SLC8A1: variants seen among roughly 807,000 people sequenced by gnomAD.
SLC8A1 encodes the protein sodium/calcium exchanger 1.
In SLC8A1, 18 loss-of-function variants were observed where a neutral mutation model predicts 68.3. That is an observed-to-expected ratio of 0.26 (90% CI 0.18 to 0.39). The LOEUF (loss-of-function observed/expected upper bound fraction) is 0.39, where lower values mean the gene tolerates loss of function less well. Among genes scored for constraint, SLC8A1 ranks in the 10% least tolerant of loss-of-function variants. The pLI is 1.00. For missense variants in SLC8A1, 985 were observed against 1,156.7 expected (o/e 0.85, Z 2.15); for synonymous variants, 475 against 415.5 (o/e 1.14, Z -1.74).
intron 2 of SLC8A1, among the ~76,000 whole-genome samples, chr2:40,335,214 C>G (rs1665570268): frequency 6.6e-6 from 1 of 152,118 alleles, no homozygotes. Flanking sequence ...GCTTTCTTTT[C>G]TATCATTTTA....
At chr2:40,258,716 C>T (rs2064279843) in intron 2 of SLC8A1, among the ~76,000 whole-genome samples, 1 of 151,996 alleles carries the variant, frequency 6.6e-6, no homozygotes. Flanking sequence ...GCGGCAGGCA[C>T]CTGTAACCCT....
chr2:40,357,220 G>C (rs1575658443), intron 2 of SLC8A1, among the ~76,000 whole-genome samples: 1 of 152,152 alleles, frequency 6.6e-6, no homozygotes, highest in Admixed American at 6.6e-5. Flanking sequence ...AAACAGGTCA[G>C]CTGGCTCGTA....
intron 2 of SLC8A1, among the ~76,000 whole-genome samples, chr2:40,214,151 C>T (rs1574152800): frequency 6.6e-6 from 1 of 152,172 alleles, no homozygotes; most frequent in Non-Finnish European, 1.5e-5. Flanking sequence ...TGAATATGCA[C>T]ACACATGCAC....
Position 40,398,804 on chromosome 2 carries a change from T to C in SLC8A1, c.1808+29669A>G, listed in dbSNP as rs181419744. Among the ~76,000 whole-genome samples, 15 of 152,310 alleles carry C rather than the reference T, an allele frequency of 9.8e-5. No homozygotes were observed. In the East Asian group the frequency reaches 2.7e-3, roughly 27 times the overall value. ...GTTATAAACTATGCTAGGATGACAG[T>C]TACAGCTCTTCTTCAACTGCTACTA... On this transcript the variant is annotated intron_variant, in intron 2 of 7. Transcript: ENST00000406785.
At chr2:40,141,788 A>G (rs2041614248) in intron 6 of SLC8A1, among the ~76,000 whole-genome samples, 1 of 152,196 alleles carries the variant, frequency 6.6e-6, no homozygotes, top group Admixed American at 6.5e-5. Flanking sequence ...GTGAAAACAG[A>G]GCCATTAGGG....
At chr2:40,246,062 C>T (rs918778187) in intron 2 of SLC8A1, among the ~76,000 whole-genome samples, 1 of 152,200 alleles carries the variant, frequency 6.6e-6, no homozygotes, top group Non-Finnish European at 1.5e-5. Flanking sequence ...CTCAATTAAC[C>T]TCTCTTCTTT....
chr2:40,469,497 C>A (rs1703885503), intron 1 of SLC8A1, among the ~76,000 whole-genome samples: 1 of 152,168 alleles, frequency 6.6e-6, no homozygotes. Flanking sequence ...CTGTTTTCTT[C>A]ATAAATTACT....
intron 2 of SLC8A1, among the ~76,000 whole-genome samples, chr2:40,281,374 G>A (rs546205313): frequency 6.6e-6 from 1 of 152,194 alleles, no homozygotes; most frequent in Admixed American, 6.5e-5. Flanking sequence ...AACAAAAAAA[G>A]CAACACTGTT....
intron 2 of SLC8A1, among the ~76,000 whole-genome samples, chr2:40,413,334 A>G (rs1337474005): frequency 3.3e-5 from 5 of 152,176 alleles, no homozygotes; most frequent in Admixed American, 3.3e-4. Context: ...TCACAATAGC[A>G]AAGACTTGGA....
chr2:40,139,757 T>A (rs562510055), intron 6 of SLC8A1, 81 bp from the exon 10 acceptor site: 3 of 1,477,162 alleles, frequency 2.0e-6, no homozygotes, highest in African/African-American at 2.8e-5. Context: ...CCTATCTAGG[T>A]CGGTCATCCC....
chr2:40,112,848 G>A (rs950421012), exon 8 of SLC8A1: 17 of 152,238 alleles, frequency 1.1e-4, no homozygotes, highest in Non-Finnish European at 2.2e-4. Flanking sequence ...TCTGCAAGTC[G>A]GTCAAAGATA....
At chr2:40,460,642 T>A (rs1703288068) in intron 1 of SLC8A1, among the ~76,000 whole-genome samples, 1 of 151,730 alleles carries the variant, frequency 6.6e-6, no homozygotes, top group Non-Finnish European at 1.5e-5. Flanking sequence ...TGCAGTGGCA[T>A]GATCTGCAAC....
chr2:40,446,688 G>T (rs1701507540), intron 1 of SLC8A1: 1 of 151,942 alleles, frequency 6.6e-6, no homozygotes, highest in Non-Finnish European at 1.5e-5. Flanking sequence ...CTTTTGGAGA[G>T]CCTTCCTTAT....
In SLC8A1 at chr2:40,387,390, A is replaced by T. The variant is rs528741307; in HGVS notation, c.1808+41083T>A. ...TCACACAGGGGTAGGATGGGAAGAT[A>T]CAAGCTTTTAATGAACTGGCTAAAG... On this transcript the variant is annotated intron_variant, in intron 2 of 7. Coordinates refer to ENST00000406785, the Ensembl canonical transcript of SLC8A1. 1.1e-4 allele frequency among the ~76,000 whole-genome samples: 16 copies of T among 151,554 alleles called. 1 individual carries two copies. The South Asian group carries it at 3.3e-3, about 31-fold the overall frequency.
intron 2 of SLC8A1, among the ~76,000 whole-genome samples, chr2:40,336,410 C>G (rs904270864): frequency 6.6e-6 from 1 of 152,154 alleles, no homozygotes; most frequent in African/African-American, 2.4e-5. Flanking sequence ...ATCATAATGT[C>G]CACTAAAAAT....
At chr2:40,226,373 G>C (rs967043054) in intron 2 of SLC8A1, among the ~76,000 whole-genome samples, 1 of 152,136 alleles carries the variant, frequency 6.6e-6, no homozygotes, top group Non-Finnish European at 1.5e-5. Flanking sequence ...ATGACTTCTA[G>C]GGTAGGCATT....
intron 2 of SLC8A1, among the ~76,000 whole-genome samples, chr2:40,213,668 G>A (rs375051540): frequency 4.3e-4 from 65 of 152,138 alleles, no homozygotes; most frequent in African/African-American, 1.5e-3. Context: ...TTTTTCCCCC[G>A]TCATCTCAAA....
At position 40,173,184 on chromosome 2, in the gene SLC8A1, A is replaced by C. The variant is rs142577650; in HGVS notation, c.1930+1641T>G. 5.0e-3 allele frequency among the ~76,000 whole-genome samples: 757 copies of C among 152,268 alleles called. 5 individuals carry two copies. The highest frequency in any genetic ancestry group is 0.02 in the Middle Eastern group (6 of 294). On this transcript the variant is annotated intron_variant, in intron 4 of 7. Transcript: ENST00000406785. ...GCTTGCCAAATTTATACCTTCTTCA[A>C]ATCTCCCAGGGATAACTCATTTATC...
intron 2 of SLC8A1, among the ~76,000 whole-genome samples, chr2:40,299,395 T>G (rs917082052): frequency 2.0e-5 from 3 of 152,200 alleles, no homozygotes; most frequent in Non-Finnish European, 4.4e-5. Flanking sequence ...ACTCTCCTCC[T>G]TTCTTGACTT....
Sources: allele counts gnomAD v4.1 joint callset (sites outside exome capture counted in the v4.1 genomes callset), GRCh38; gene constraint gnomAD v4.1.1; transcripts MANE v1.5; gene names NCBI Gene and HGNC (gene_info 2026-07-23, HGNC 2026-07-21).